Variants in FYB1 observed in about 807,000 individuals in gnomAD.
FYB1 encodes the protein FYN-binding protein 1.
Under a neutral mutation model 94.1 loss-of-function variants are expected in FYB1, and 41 were observed. The observed-to-expected ratio is 0.44, with a 90% confidence interval of 0.34 to 0.57. The LOEUF is 0.57. Among genes scored for constraint, FYB1 ranks in the 20% least tolerant of loss-of-function variants. The pLI is 0.02. For synonymous variants in FYB1, 367 were observed against 353.2 expected, an observed-to-expected ratio of 1.04 and a Z score of -0.44; for missense variants, 1,050 against 976.8, an observed-to-expected ratio of 1.07 and a Z score of -1.00.
At chr5:39,262,963 C>T (rs1189008504) in intron 1 of FYB1, among the ~76,000 whole-genome samples, 1 of 152,040 alleles carries the variant, frequency 6.6e-6, no homozygotes, top group Non-Finnish European at 1.5e-5. Flanking sequence ...GAAGGAGGGA[C>T]ATAGAACTGG....
intron 2 of FYB1, among the ~76,000 whole-genome samples, chr5:39,175,976 T>C (rs1490491249): frequency 2.0e-5 from 3 of 151,954 alleles, no homozygotes; most frequent in African/African-American, 7.3e-5. Flanking sequence ...ATTTTATAGC[T>C]GAGATCCAGA....
intron 11 of FYB1, 140 bp downstream of exon 11, chr5:39,127,601 C>A: frequency 2.3e-6 from 2 of 885,078 alleles, no homozygotes; most frequent in Non-Finnish European, 3.2e-6. Flanking sequence ...TTTACAATTG[C>A]TGTTAATTAA....
chr5:39,188,099 A>G (rs1292199865), intron 2 of FYB1, among the ~76,000 whole-genome samples: 1 of 152,136 alleles, frequency 6.6e-6, no homozygotes, highest in Admixed American at 6.5e-5. Context: ...TTATTGAAGT[A>G]GTGAAGTTGC....
At position 39,139,306 on chromosome 5, in the gene FYB1, A is replaced by C. The variant is rs541893533; in HGVS notation, c.1340-54T>G. The C allele has an allele frequency of 1.9e-3, 2,447 of 1,313,680 alleles. 5 individuals carry two copies. The highest frequency in any genetic ancestry group is 2.2e-3 in the Non-Finnish European group (2,111 of 963,448). The allele number at this position is 1,313,680 out of a possible 1,614,324, so 81.4% of individuals were successfully genotyped here. A position where few individuals can be genotyped will look rare whatever the true frequency, so the allele number is the denominator to read the frequency against. Reference sequence around the variant, plus strand: ...ACATTTGTAATAAGGAAGCACTTTAATGTAAGATTATTGGATATGATATAA... The same window carrying C: ...ACATTTGTAATAAGGAAGCACTTTACTGTAAGATTATTGGATATGATATAA... On this transcript the variant is annotated intron_variant, in intron 4 of 18. Coordinates refer to ENST00000512982, the MANE Select transcript of FYB1 (RefSeq NM_001465.6).
rs562634755 is a variant in FYB1, at chr5:39,144,600, G to A, written c.1293-3459C>T. ...GTGGATCATCTGAGGTCAGGAGTTCGAGACCAGCCTGGTCAACATGGTGAA... is the reference window on the plus strand; with the variant it reads ...GTGGATCATCTGAGGTCAGGAGTTCAAGACCAGCCTGGTCAACATGGTGAA... On this transcript the variant is annotated intron_variant, in intron 3 of 18. Transcript: ENST00000512982. Among the ~76,000 whole-genome samples, 90 of 152,204 alleles carry A rather than the reference G, an allele frequency of 5.9e-4. 1 individual carries two copies. Among genetic ancestry groups the A allele is most frequent in the South Asian group, 2.9e-3 (14 of 4,820 alleles).
At chr5:39,216,625 T>C (rs1033217034) in intron 1 of FYB1, among the ~76,000 whole-genome samples, 1 of 152,200 alleles carries the variant, frequency 6.6e-6, no homozygotes, top group Non-Finnish European at 1.5e-5. Context: ...TGGATTTCTA[T>C]AAATATCCAA....
At chr5:39,124,831 C>G (rs558854920) in intron 12 of FYB1, among the ~76,000 whole-genome samples, 1 of 151,776 alleles carries the variant, frequency 6.6e-6, no homozygotes, top group East Asian at 1.9e-4. Flanking sequence ...TTAAAGTGCT[C>G]TGAAATCAGA....
intron 7 of FYB1, among the ~76,000 whole-genome samples, chr5:39,136,839 A>G (rs1741717502): frequency 6.6e-6 from 1 of 152,250 alleles, no homozygotes; most frequent in Admixed American, 6.5e-5. Context: ...GAATAAAAAT[A>G]CTTAAAGAAA....
intron 2 of FYB1, among the ~76,000 whole-genome samples, chr5:39,187,548 G>C (rs1275633686): frequency 6.6e-6 from 1 of 152,146 alleles, no homozygotes; most frequent in Non-Finnish European, 1.5e-5. Flanking sequence ...TTGCACTTGG[G>C]CAATAATCAG....
At chr5:39,266,733 C>T (rs1225263546) in intron 1 of FYB1, among the ~76,000 whole-genome samples, 2 of 152,156 alleles carry the variant, frequency 1.3e-5, no homozygotes, top group African/African-American at 2.4e-5. Context: ...CAAAGCCAGG[C>T]ATTCCTTCAG....
intron 2 of FYB1, among the ~76,000 whole-genome samples, chr5:39,162,834 A>G (rs571211483): frequency 5.6e-4 from 86 of 152,248 alleles, no homozygotes; most frequent in African/African-American, 2.0e-3. Flanking sequence ...TAAATGCTAT[A>G]TCAATTGGAT....
Position 39,125,665 on chromosome 5 carries a change from T to C in FYB1, c.2045+333A>G, listed in dbSNP as rs541925093. 5.9e-5 allele frequency among the ~76,000 whole-genome samples: 9 copies of C among 152,250 alleles called. No homozygotes were observed. The East Asian group carries it at 1.7e-3, about 29-fold the overall frequency. ...CTATATTTTAAAAGGTCCTAGTAAA[T>C]GGGTGTGTCAGTGTTTGTGTATGAC... On this transcript the variant is annotated intron_variant, in intron 12 of 18. Transcript: ENST00000512982.
intron 2 of FYB1, among the ~76,000 whole-genome samples, chr5:39,182,496 C>T (rs1033522106): frequency 6.6e-6 from 1 of 152,068 alleles, no homozygotes; most frequent in Non-Finnish European, 1.5e-5. Context: ...ATTTTAATTA[C>T]ATAAAGGCTT....
At chr5:39,222,571 T>C (rs1311355594), upstream of FYB1, among the ~76,000 whole-genome samples, 1 of 152,198 alleles carries the variant, frequency 6.6e-6, no homozygotes, top group Non-Finnish European at 1.5e-5. Context: ...AAAGTTTTAG[T>C]TTAAAAAACT....
chr5:39,125,580 C>A (rs1459547576), intron 12 of FYB1, among the ~76,000 whole-genome samples: 1 of 151,878 alleles, frequency 6.6e-6, no homozygotes, highest in African/African-American at 2.4e-5. Context: ...GAAGAGTATT[C>A]AATATAAAAT....
intron 2 of FYB1, among the ~76,000 whole-genome samples, chr5:39,171,277 C>T (rs1580453119): frequency 6.6e-6 from 1 of 150,798 alleles, no homozygotes; most frequent in Admixed American, 6.6e-5. Context: ...GCAACAGACA[C>T]TCTGTCTCCA....
At chr5:39,195,312 A>G (rs1347577139) in intron 2 of FYB1, among the ~76,000 whole-genome samples, 1 of 152,240 alleles carries the variant, frequency 6.6e-6, no homozygotes, top group Admixed American at 6.5e-5. Context: ...TTTGGAAAAT[A>G]CTGCCACATG....
intron 1 of FYB1, among the ~76,000 whole-genome samples, chr5:39,242,269 C>G (rs1454162068): frequency 1.3e-5 from 2 of 150,946 alleles, no homozygotes; most frequent in African/African-American, 4.9e-5. Context: ...AGGTATATCT[C>G]CTAATGCTAT....
chr5:39,242,246 TG>T (rs1751244280), intron 1 of FYB1, among the ~76,000 whole-genome samples: 1 of 151,810 alleles, frequency 6.6e-6, no homozygotes, highest in African/African-American at 2.4e-5. Context: ...CCTATTAACT[TG>T]TCATTTACAT....
Sources: allele counts gnomAD v4.1 joint callset (sites outside exome capture counted in the v4.1 genomes callset), GRCh38; gene constraint gnomAD v4.1.1; transcripts MANE v1.5; gene names NCBI Gene and HGNC (gene_info 2026-07-23, HGNC 2026-07-21).